The following AMY2A variants were observed in gnomAD, a reference collection of about 807,000 sequenced individuals.
AMY2A encodes the protein pancreatic alpha-amylase.
AMY2A carries 16 observed loss-of-function variants against 43.0 expected under a neutral mutation model. The observed-to-expected ratio is 0.37, with a 90% CI of 0.25 to 0.56. The LOEUF is 0.56. Among genes scored for constraint, AMY2A ranks in the 20% least tolerant of loss-of-function variants. AMY2A has a pLI of 0.77. For missense variants in AMY2A, 212 were observed against 456.8 expected (o/e 0.46, Z 4.89); for synonymous variants, 70 against 144.6 (o/e 0.48, Z 3.70).
upstream of AMY2A, chr1:103,616,822 G>A (rs1045109084): frequency 5.9e-5 from 14 of 236,410 alleles, no homozygotes; most frequent in Non-Finnish European, 8.4e-5. Flanking sequence ...GGCTCGGTGA[G>A]TCTGTGCGGC....
At chr1:103,617,808 C>A (rs1269045430) in intron 1 of AMY2A, 146 bp from the exon 2 acceptor site, 2 of 1,522,802 alleles carry the variant, frequency 1.3e-6, no homozygotes, top group Admixed American at 2.1e-5. Flanking sequence ...TCACCAAGAG[C>A]CCTCCAATGT....
intron 1 of AMY2A, 70 bp downstream of exon 1, chr1:103,617,678 T>TAC (rs1653116228): frequency 1.1e-5 from 18 of 1,598,180 alleles, no homozygotes; most frequent in Middle Eastern, 2.3e-4. Flanking sequence ...TGATCTTATC[T>TAC]GTGAAGCTTG....
Position 103,617,839 on chromosome 1 carries a change from A to G in AMY2A, c.169-115A>G. On this transcript the variant is annotated intron_variant, in intron 1 of 9. Transcript: ENST00000414303. ...AATGTGCTGTTAATATTTTCAAGAG[A>G]TAGCTGCCTATACCAAGATTCAAGA... is the stretch of plus-strand genomic sequence containing the variant. The G allele has an allele frequency of 1.3e-6, 2 of 1,552,310 alleles. 1 individual carries two copies. Among genetic ancestry groups the G allele is most frequent in the Non-Finnish European group, 1.7e-6 (2 of 1,147,466 alleles).
At position 103,617,429 on chromosome 1, in the gene AMY2A, C is replaced by T; in HGVS notation, c.-12C>T. ...TAGTTTCTGGAAAGGACACTGACAA[C>T]TTCAAAGCAAAATGAAGTTCTTTCT... On this transcript the variant is annotated 5_prime_UTR_variant, in exon 1 of 10. Transcript: ENST00000414303. The T allele has an allele frequency of 6.3e-7, 1 of 1,598,550 alleles. No homozygotes were observed. Among genetic ancestry groups the T allele is most frequent in the Non-Finnish European group, 8.6e-7 (1 of 1,168,922 alleles).
Position 103,618,952 on chromosome 1 carries a change from T to C in AMY2A, c.357T>C (p.Gly119=). The change falls in exon 3 of 10, where the codon GGT becomes GGC. Residue 119 remains glycine, a synonymous_variant. Coordinates refer to ENST00000414303, the MANE Select transcript of AMY2A (RefSeq NM_000699.4). ...YVDAVINHMC[G]NAVSAGTSST... ...ATGCTGTAATTAATCATATGTGTGG[T>C]AACGCTGTGAGTGCAGGAACAAGCA... 1 of 1,420,810 alleles carries C rather than the reference T, an allele frequency of 7.0e-7. No homozygotes were observed. Among genetic ancestry groups the C allele is most frequent in the East Asian group, 2.3e-5 (1 of 43,018 alleles). 88.0% of individuals were successfully genotyped at this position (1,420,810 alleles called of 1,614,324 possible). A position where few individuals can be genotyped will look rare whatever the true frequency, so the allele number is the denominator to read the frequency against.
intron 3 of AMY2A, among the ~76,000 whole-genome samples, chr1:103,619,344 C>A (rs1470056068): frequency 6.6e-6 from 1 of 150,422 alleles, no homozygotes; most frequent in African/African-American, 2.4e-5. Context: ...TTAAAAATCT[C>A]ATCGACTTTA....
chr1:103,619,083 T>C lies in AMY2A; in HGVS notation c.488T>C (p.Ile163Thr). 8.3e-7 allele frequency: 1 copy of C among 1,201,142 alleles called. No homozygotes were observed. The highest frequency in any genetic ancestry group is 1.1e-6 in the Non-Finnish European group (1 of 879,182). 74.4% of individuals were successfully genotyped at this position (1,201,142 alleles called of 1,614,324 possible). ...AAATGTAAAACTGGAAGTGGAGATA[T>C]CGAGAACTACAATGATGCTACTCAG... ...DGKCKTGSGD[I>T]ENYNDATQVR... is the part of the protein sequence containing the mutation. Residue 163 changes from isoleucine to threonine, a missense_variant, in exon 3 of 10, where the codon ATC (isoleucine) becomes ACC (threonine). This residue lies in a region of AMY2A where 199 missense variants were observed against 210.6 expected (regional missense o/e 0.94). Coordinates refer to ENST00000414303, the MANE Select transcript of AMY2A (RefSeq NM_000699.4).
intron 1 of AMY2A, 151 bp downstream of exon 1, chr1:103,617,759 C>A: frequency 2.0e-6 from 3 of 1,531,142 alleles, no homozygotes; most frequent in Non-Finnish European, 2.6e-6. Context: ...ATGTAGTATT[C>A]TTGGCAACTT....
At chr1:103,618,804 C>A (rs1299375859) in intron 2 of AMY2A, 107 bp from the exon 3 acceptor site, 1 of 1,425,868 alleles carries the variant, frequency 7.0e-7, no homozygotes, top group East Asian at 2.3e-5. Flanking sequence ...TATAAGATAT[C>A]ATGAAATATT....
Position 103,617,556 on chromosome 1 carries a change from T to C in AMY2A, c.116T>C (p.Ile39Thr), listed in dbSNP as rs148399838. 1.1e-5 allele frequency: 18 copies of C among 1,600,810 alleles called. 1 individual carries two copies. Among genetic ancestry groups the C allele is most frequent in the Middle Eastern group, 2.3e-4 (1 of 4,444 alleles). Residue 39 changes from isoleucine (I) to threonine (T), a missense_variant, in exon 1 of 10, where the codon ATT (isoleucine) becomes ACT (threonine). Ile to Thr is a moderately conservative substitution (Grantham distance 89). Around this residue, in one of 2 missense-constraint regions of AMY2A, gnomAD observed 199 missense variants for 210.6 expected, o/e 0.94. Coordinates refer to ENST00000414303, the MANE Select transcript of AMY2A (RefSeq NM_000699.4). ...VHLFEWRWVD[I>T]ALECERYLAP... ...CTGTTTGAATGGCGATGGGTTGATA[T>C]TGCTCTTGAATGTGAGCGATATTTA...
In AMY2A at chr1:103,620,644, G is replaced by A. The variant is rs61814453; in HGVS notation, c.838G>A (p.Val280Ile). 191,749 of 1,412,858 alleles carry A rather than the reference G, an allele frequency of 0.14. 4,096 individuals are homozygous for A. Among genetic ancestry groups the A allele is most frequent in the South Asian group, 0.17 (13,390 of 77,484 alleles). The allele number at this position is 1,412,858 out of a possible 1,614,324, so 87.5% of individuals were successfully genotyped here. The part of the protein sequence containing the change: ...EFKYGAKLGT[V>I]IRKWNGEKMS... ...CAAGTATGGTGCAAAACTCGGCACA[G>A]TTATTCGCAAGTGGAATGGAGAGAA... The change falls in exon 5 of 10, where the codon GTT becomes ATT. Residue 280 changes from valine to isoleucine, a missense_variant. This residue lies in a region of AMY2A where 13 missense variants were observed against 246.2 expected (regional missense o/e 0.05). Transcript: ENST00000414303.
chr1:103,620,036 T>C (rs1386317752), intron 4 of AMY2A, among the ~76,000 whole-genome samples: 2 of 150,886 alleles, frequency 1.3e-5, no homozygotes, highest in Non-Finnish European at 3.0e-5. Context: ...AACAAGTTAA[T>C]ATTTATCAAG....
intron 2 of AMY2A, among the ~76,000 whole-genome samples, chr1:103,618,460 T>C (rs1209544473): frequency 6.6e-6 from 1 of 150,792 alleles, no homozygotes; most frequent in Non-Finnish European, 1.5e-5. Flanking sequence ...TCCGTAATTC[T>C]TGGGTTTTTC....
At chr1:103,623,314 G>C (rs200495243) in intron 7 of AMY2A, among the ~76,000 whole-genome samples, 1 of 136,088 alleles carries the variant, frequency 7.3e-6, no homozygotes, top group Non-Finnish European at 1.6e-5. Flanking sequence ...TTACCACGAT[G>C]TTAAGAAGCT....
chr1:103,618,831 A>G (rs1167994031), intron 2 of AMY2A, 80 bp from the exon 3 acceptor site: 1 of 801,734 alleles, frequency 1.2e-6, no homozygotes, highest in East Asian at 2.7e-5. Flanking sequence ...TTTTATTAAC[A>G]TACTATAAAC....
At chr1:103,623,463 A>G (rs2101102153) in intron 7 of AMY2A, among the ~76,000 whole-genome samples, 1 of 79,140 alleles carries the variant, frequency 1.3e-5, no homozygotes, top group South Asian at 3.7e-4. Flanking sequence ...AATTTTTTAA[A>G]AATTAGCTGG....
In AMY2A at chr1:103,617,640, T is replaced by A. The variant is rs771353575; in HGVS notation, c.168+32T>A. The stretch of plus-strand genomic sequence containing the variant: ...ATGATTCATAGTATCAATTGCGGAA[T>A]TCACTGTGCTTGTAGGAAATAGTAT... On this transcript the variant is annotated intron_variant, in intron 1 of 9. Transcript: ENST00000414303. 8.1e-6 allele frequency: 13 copies of A among 1,601,000 alleles called. 1 individual carries two copies. Among genetic ancestry groups the A allele is most frequent in the Non-Finnish European group, 1.0e-5 (12 of 1,170,872 alleles).
chr1:103,619,160 T>C, intron 3 of AMY2A, 52 bp downstream of exon 3: 1 of 622,938 alleles, frequency 1.6e-6, no homozygotes, highest in Non-Finnish European at 2.6e-6. Context: ...ATGCCTTTTC[T>C]TGTAGACATG....
Position 103,617,535 on chromosome 1 carries a change from T to A in AMY2A, c.95T>A (p.Phe32Tyr). The change falls in exon 1 of 10, where the codon TTT (phenylalanine) becomes TAT (tyrosine). Residue 32 changes from phenylalanine (F) to tyrosine (Y), a missense_variant. Physicochemically the swap from Phe to Tyr is conservative, Grantham distance 22. This residue lies in a region of AMY2A where 199 missense variants were observed against 210.6 expected (regional missense o/e 0.94). Coordinates refer to ENST00000414303, the MANE Select transcript of AMY2A (RefSeq NM_000699.4). ...GGACGGACATCTATTGTTCATCTGT[T>A]TGAATGGCGATGGGTTGATATTGCT... ...QQGRTSIVHLFEWRWVDIALE... is the reference protein window; with the variant it reads ...QQGRTSIVHLYEWRWVDIALE... 4 of 1,600,912 alleles carry A rather than the reference T, an allele frequency of 2.5e-6. No individual in the cohort carries two copies. The highest frequency in any genetic ancestry group is 3.4e-6 in the Non-Finnish European group (4 of 1,170,892).
Sources: gnomAD v4.1 joint callset for allele counts (sites outside exome capture counted in the v4.1 genomes callset) on GRCh38, gnomAD v4.1.1 for gene constraint, gnomAD v4.1.1 regional missense constraint, MANE v1.5 for transcripts, NCBI Gene and HGNC (gene_info 2026-07-23, HGNC 2026-07-21) for gene names.